The following ZNF423 variants were observed in gnomAD, a reference collection of about 807,000 sequenced individuals.
ZNF423 encodes the protein Ebf-associated zinc finger protein.
ZNF423 carries 12 observed loss-of-function variants against 95.8 expected under a neutral mutation model. The observed-to-expected ratio is 0.13, with a 90% confidence interval of 0.08 to 0.20. The LOEUF (loss-of-function observed/expected upper bound fraction) is 0.20. Ranked by LOEUF, ZNF423 falls within the 10% of genes least tolerant of loss-of-function variation. The probability of loss-of-function intolerance (pLI) is 1.00; values close to 1 mark genes in which losing one functional copy is unlikely to be tolerated. For synonymous variants in ZNF423, 749 were observed against 711.9 expected (o/e 1.05, Z -0.83); for missense variants, 1,316 against 1,737.1 (o/e 0.76, Z 4.31).
At chr16:49,560,010 G>T (rs532482771) in intron 5 of ZNF423, among the ~76,000 whole-genome samples, 1 of 152,234 alleles carries the variant, frequency 6.6e-6, no homozygotes, top group East Asian at 1.9e-4. Context: ...CCAGAAAATT[G>T]CCACCCTGTC....
Position 49,600,149 on chromosome 16 carries a change from C to CA in ZNF423, c.3601+26020dup, listed in dbSNP as rs557355554. On this transcript the variant is annotated intron_variant, in intron 5 of 7. Coordinates refer to ENST00000563137, the MANE Select transcript of ZNF423 (RefSeq NM_001379286.1). Reference sequence around the variant, plus strand: ...CAACATGGTGAAACCCTGTCTCTACCAAAAATACAAAAATCAGCCAGACAT... The same window carrying CA: ...CAACATGGTGAAACCCTGTCTCTACCAAAAAATACAAAAATCAGCCAGACAT... Among the ~76,000 whole-genome samples, 24 of 151,594 alleles carry CA rather than the reference C, an allele frequency of 1.6e-4. 1 individual carries two copies. The East Asian group carries it at 4.7e-3, about 30-fold the overall frequency.
intron 2 of ZNF423, among the ~76,000 whole-genome samples, chr16:49,745,575 T>C (rs765111672): frequency 2.7e-4 from 41 of 152,236 alleles, no homozygotes; most frequent in Non-Finnish European, 5.7e-4. Flanking sequence ...CGTACCTGAC[T>C]GTCTATTGTG....
intron 5 of ZNF423, among the ~76,000 whole-genome samples, chr16:49,557,629 TG>T (rs1175308101): frequency 6.6e-6 from 1 of 152,192 alleles, no homozygotes; most frequent in African/African-American, 2.4e-5. Context: ...GCCTCTGGGC[TG>T]GGGCTGGAGG....
chr16:49,718,152 G>A (rs1240317897), intron 3 of ZNF423, among the ~76,000 whole-genome samples: 2 of 152,166 alleles, frequency 1.3e-5, no homozygotes, highest in Non-Finnish European at 2.9e-5. Context: ...TGGGTGTGGT[G>A]GCTCACACCT....
chr16:49,731,021 A>C (rs1367517535), intron 2 of ZNF423, 50 bp from the exon 3 acceptor site: 1 of 1,596,842 alleles, frequency 6.3e-7, no homozygotes, highest in African/African-American at 1.3e-5. Flanking sequence ...GTCTTGGGAA[A>C]GGGTTTTAAA....
At chr16:49,499,454 G>A (rs1300506729) in intron 7 of ZNF423, among the ~76,000 whole-genome samples, 1 of 152,230 alleles carries the variant, frequency 6.6e-6, no homozygotes, top group Admixed American at 6.5e-5. Flanking sequence ...TGGGGTGGGG[G>A]TTCTGCAGCT....
chr16:49,652,137 G>A (rs535565881), intron 3 of ZNF423, among the ~76,000 whole-genome samples: 1 of 152,078 alleles, frequency 6.6e-6, no homozygotes, highest in Non-Finnish European at 1.5e-5. Context: ...TGGGGGATGA[G>A]GCTCAGACTC....
intron 5 of ZNF423, among the ~76,000 whole-genome samples, chr16:49,551,441 C>T (rs929680180): frequency 1.2e-4 from 19 of 152,270 alleles, no homozygotes; most frequent in Non-Finnish European, 1.8e-4. Context: ...ACCCAGGATA[C>T]GGTCTTTTTA....
chr16:49,786,470 GCTGCTC>G (rs1309265001), intron 2 of ZNF423, among the ~76,000 whole-genome samples: 1 of 152,254 alleles, frequency 6.6e-6, no homozygotes, highest in Non-Finnish European at 1.5e-5. Context: ...AAGAAGAGGG[GCTGCTC>G]CATGCCTTAC....
intron 5 of ZNF423, among the ~76,000 whole-genome samples, chr16:49,569,044 C>A (rs540615496): frequency 6.6e-6 from 1 of 152,176 alleles, no homozygotes; most frequent in African/African-American, 2.4e-5. Context: ...CCGAGGAAAA[C>A]CCCCGCCTCT....
At chr16:49,716,609 C>A (rs987501061) in intron 3 of ZNF423, among the ~76,000 whole-genome samples, 2 of 152,202 alleles carry the variant, frequency 1.3e-5, no homozygotes, top group African/African-American at 4.8e-5. Flanking sequence ...AAAAACACTG[C>A]CAAAACACTC....
chr16:49,622,381 T>C (rs937426723), intron 5 of ZNF423, among the ~76,000 whole-genome samples: 1 of 148,878 alleles, frequency 6.7e-6, no homozygotes, highest in African/African-American at 2.5e-5. Flanking sequence ...AATGCCTCAG[T>C]CTTGGCCAAG....
intron 7 of ZNF423, among the ~76,000 whole-genome samples, chr16:49,516,062 G>A (rs1326539858): frequency 6.6e-6 from 1 of 152,212 alleles, no homozygotes; most frequent in Non-Finnish European, 1.5e-5. Context: ...GCCCGGACGT[G>A]GCTCAGAAAT....
At chr16:49,566,926 C>G (rs1004202739) in intron 5 of ZNF423, among the ~76,000 whole-genome samples, 6 of 152,002 alleles carry the variant, frequency 3.9e-5, no homozygotes, top group African/African-American at 1.4e-4. Flanking sequence ...TAGGGAGAGC[C>G]ATTTGTCCTA....
Position 49,492,535 on chromosome 16 carries a change from C to T in ZNF423, c.3850-1231G>A, listed in dbSNP as rs1967013974. The stretch of plus-strand genomic sequence containing the variant: ...CACTCCTGCTCCCTGGAGCAGGGCC[C>T]CGCGCAGTCCCTTCCCGTGACGGGC... On this transcript the variant is annotated intron_variant, in intron 7 of 7. Coordinates refer to ENST00000563137, the MANE Select transcript of ZNF423 (RefSeq NM_001379286.1). This position sits in a 1 kb window ranked among gnomAD's most constrained non-coding sequence, Gnocchi z 4.2. Among the ~76,000 whole-genome samples, 1 of 152,172 alleles carries T rather than the reference C, an allele frequency of 6.6e-6. No homozygotes were observed. Among genetic ancestry groups the T allele is most frequent in the South Asian group, 2.1e-4 (1 of 4,834 alleles).
chr16:49,677,995 C>T (rs1306558394), intron 3 of ZNF423, among the ~76,000 whole-genome samples: 1 of 152,004 alleles, frequency 6.6e-6, no homozygotes, highest in African/African-American at 2.4e-5. Context: ...CCAGCCCAGC[C>T]AACATGGTGA....
intron 3 of ZNF423, among the ~76,000 whole-genome samples, chr16:49,677,767 AAAG>A (rs1333543946): frequency 1.4e-5 from 2 of 146,642 alleles, no homozygotes; most frequent in African/African-American, 5.2e-5. Context: ...AAAAAAAAAA[AAAG>A]AGAGAGAGAG....
intron 5 of ZNF423, among the ~76,000 whole-genome samples, chr16:49,533,723 A>T (rs1968944110): frequency 6.6e-6 from 1 of 152,216 alleles, no homozygotes; most frequent in South Asian, 2.1e-4. Context: ...CGCGGAGGAG[A>T]ATCCTGGCTC....
chr16:49,857,457 C>T (rs1421196603), upstream of ZNF423, among the ~76,000 whole-genome samples: 1 of 152,104 alleles, frequency 6.6e-6, no homozygotes, highest in African/African-American at 2.4e-5. The surrounding 1 kb of genome is among the most constrained non-coding windows in gnomAD (Gnocchi z 6.2). Flanking sequence ...GACGCATGAG[C>T]CTCACAAACT....
Sources: gnomAD v4.1 joint callset for allele counts (sites outside exome capture counted in the v4.1 genomes callset) on GRCh38, gnomAD v4.1.1 for gene constraint, Gnocchi (gnomAD v3.1) non-coding constraint, MANE v1.5 for transcripts, NCBI Gene and HGNC (gene_info 2026-07-23, HGNC 2026-07-21) for gene names.